Variants in ITPR1 observed in about 807,000 individuals in gnomAD.
The protein encoded by ITPR1 is inositol 1,4,5-trisphosphate receptor type 1.
ITPR1 carries 96 observed loss-of-function variants against 318.4 expected under a neutral mutation model. The ratio of observed to expected loss-of-function variants is 0.30; its 90% confidence interval spans 0.26 to 0.36. The LOEUF is 0.36. ITPR1 is among the 10% of genes least tolerant of loss of function. The probability of loss-of-function intolerance (pLI) is 1.00; values close to 1 mark genes in which losing one functional copy is unlikely to be tolerated. For synonymous variants in ITPR1, 1,312 were observed against 1,289.9 expected (o/e 1.02, Z -0.37); for missense variants, 2,440 against 3,460.2 (o/e 0.71, Z 7.40).
intron 44 of ITPR1, chr3:4,750,480 T>G (rs2044419341): frequency 6.6e-6 from 1 of 152,226 alleles, no homozygotes; most frequent in Non-Finnish European, 1.5e-5. Context: ...TAACTTCTAT[T>G]TATATCCTCC....
rs751340313 is a variant in ITPR1 at position 4,782,644 on chromosome 3, T to C, written c.6413T>C (p.Met2138Thr). ...GTGGAAGTGATCAAGAAAGCCTACATGCAAGGTGAAGTGGAATTTGAGGAT... is the reference window on the plus strand; with the variant it reads ...GTGGAAGTGATCAAGAAAGCCTACACGCAAGGTGAAGTGGAATTTGAGGAT... ...ELVEVIKKAY[M>T]QGEVEFEDGE... Residue 2138 changes from methionine to threonine, a missense_variant, in exon 50 of 62, where the codon ATG becomes ACG. By Grantham distance (81) the Met-to-Thr change is moderately conservative (BLOSUM62 -1). This residue lies in a region of ITPR1 where 49 missense variants were observed against 47.2 expected (regional missense o/e 1.04). Transcript: ENST00000649015. 2 of 1,607,222 alleles carry C rather than the reference T, an allele frequency of 1.2e-6. No individual in the cohort carries two copies. Among genetic ancestry groups the C allele is most frequent in the Admixed American group, 1.7e-5 (1 of 59,390 alleles).
chr3:4,662,154 G>A lies in ITPR1; in HGVS notation c.1324G>A (p.Asp442Asn). 2 of 1,613,694 alleles carry A rather than the reference G, an allele frequency of 1.2e-6. No individual in the cohort carries two copies. The highest frequency in any genetic ancestry group is 1.7e-6 in the Non-Finnish European group (2 of 1,179,694). Residue 442 changes from aspartate to asparagine, a missense_variant, in exon 15 of 62, where the codon GAC (aspartate) becomes AAC (asparagine). By Grantham distance (23) the Asp-to-Asn change is conservative. This residue lies in a region of ITPR1 where 478 missense variants were observed against 696.3 expected (regional missense o/e 0.69). Coordinates refer to ENST00000649015, the MANE Select transcript of ITPR1 (RefSeq NM_001378452.1). Reference sequence around the variant, plus strand: ...TCCGGTTTCTCCTGCTGAAGTTCGGGACCTGGACTTTGCCAATGATGCCAG... The same window carrying A: ...TCCGGTTTCTCCTGCTGAAGTTCGGAACCTGGACTTTGCCAATGATGCCAG... ...IVPVSPAEVRDLDFANDASKV... is the reference protein window; with the variant it reads ...IVPVSPAEVRNLDFANDASKV...
At chr3:4,605,909 TG>T (rs1184671696) in intron 4 of ITPR1, among the ~76,000 whole-genome samples, 3 of 151,840 alleles carry the variant, frequency 2.0e-5, no homozygotes, top group African/African-American at 7.2e-5. Context: ...CAACAGGGAG[TG>T]GGGCCGACAT....
chr3:4,569,106 G>A (rs1034864781), intron 4 of ITPR1, among the ~76,000 whole-genome samples: 1 of 152,158 alleles, frequency 6.6e-6, no homozygotes, highest in Non-Finnish European at 1.5e-5. Flanking sequence ...AGATTTGGGT[G>A]GAGACAAATA....
At chr3:4,592,895 T>C (rs1251958128) in intron 4 of ITPR1, among the ~76,000 whole-genome samples, 1 of 152,114 alleles carries the variant, frequency 6.6e-6, no homozygotes, top group African/African-American at 2.4e-5. Context: ...CTCTGAGTGG[T>C]GGGAGACTGG....
At chr3:4,576,207 GA>G (rs1468549320) in intron 4 of ITPR1, among the ~76,000 whole-genome samples, 2 of 152,212 alleles carry the variant, frequency 1.3e-5, no homozygotes, top group African/African-American at 4.8e-5. Flanking sequence ...TGAGCTCATA[GA>G]AGGAACTGAT....
chr3:4,621,618 C>T (rs185698403), intron 4 of ITPR1, among the ~76,000 whole-genome samples: 1 of 152,308 alleles, frequency 6.6e-6, no homozygotes, highest in East Asian at 1.9e-4. Context: ...GTGTGGTTTC[C>T]TACTGTGTTT....
intron 4 of ITPR1, among the ~76,000 whole-genome samples, chr3:4,612,311 C>G (rs1437364257): frequency 3.9e-5 from 6 of 151,908 alleles, no homozygotes; most frequent in African/African-American, 1.4e-4. Context: ...ATCCGCCTGC[C>G]TCGGCCTCCT....
chr3:4,847,380 A>G lies in ITPR1; in HGVS notation c.*1155A>G, dbSNP rs2051860851. The G allele has an allele frequency of 8.0e-6, 1 of 125,666 alleles. No homozygotes were observed. The highest frequency in any genetic ancestry group is 8.6e-5 in the Admixed American group (1 of 11,630). The allele number at this position is 125,666 out of a possible 1,614,324, so 7.8% of individuals were successfully genotyped here. ...GTTTTGTACATGGATCTCATTTTACAAGAGAATCTCTCTGCAAAAAAAAAA... is the reference window on the plus strand; with the variant it reads ...GTTTTGTACATGGATCTCATTTTACGAGAGAATCTCTCTGCAAAAAAAAAA... On this transcript the variant is annotated 3_prime_UTR_variant, in exon 62 of 62. Transcript: ENST00000649015.
At chr3:4,500,776 G>T (rs1000732542) in intron 2 of ITPR1, among the ~76,000 whole-genome samples, 3 of 152,150 alleles carry the variant, frequency 2.0e-5, no homozygotes, top group Admixed American at 2.0e-4. Flanking sequence ...TGTTACTCTT[G>T]TTCTGTATCC....
At chr3:4,550,598 AC>A (rs1451032848) in intron 4 of ITPR1, among the ~76,000 whole-genome samples, 2 of 152,222 alleles carry the variant, frequency 1.3e-5, no homozygotes, top group African/African-American at 4.8e-5. Flanking sequence ...CAAATGGCAG[AC>A]TTTTCCAGCA....
intron 24 of ITPR1, among the ~76,000 whole-genome samples, chr3:4,677,457 A>T (rs1160729613): frequency 1.3e-5 from 2 of 152,200 alleles, no homozygotes; most frequent in African/African-American, 4.8e-5. Context: ...GTACAGTGAC[A>T]TGATTACACA....
chr3:4,621,006 G>C (rs1036799973), intron 4 of ITPR1, among the ~76,000 whole-genome samples: 16 of 150,908 alleles, frequency 1.1e-4, no homozygotes, highest in African/African-American at 3.7e-4. Flanking sequence ...TCACTACTCA[G>C]CATTTCAGCT....
intron 12 of ITPR1, among the ~76,000 whole-genome samples, chr3:4,655,069 T>C (rs370224019): frequency 7.0e-4 from 107 of 152,338 alleles, no homozygotes; most frequent in African/African-American, 2.4e-3. Flanking sequence ...TGTCAGTGCA[T>C]GAGGAACTCT....
intron 2 of ITPR1, among the ~76,000 whole-genome samples, chr3:4,507,342 G>A (rs1479871253): frequency 6.6e-6 from 1 of 152,158 alleles, no homozygotes; most frequent in Admixed American, 6.5e-5. Context: ...AGCTCCTAGA[G>A]TACATAGGTA....
chr3:4,504,335 T>TTA (rs2081252623), intron 2 of ITPR1, among the ~76,000 whole-genome samples: 1 of 152,284 alleles, frequency 6.6e-6, no homozygotes, highest in Admixed American at 6.5e-5. Context: ...CAACGTTGTA[T>TTA]TATACTAGAG....
intron 44 of ITPR1, among the ~76,000 whole-genome samples, chr3:4,762,534 C>T (rs1230495271): frequency 6.6e-6 from 1 of 152,220 alleles, no homozygotes; most frequent in Non-Finnish European, 1.5e-5. Flanking sequence ...ATCACCTTCA[C>T]CTTGGAGTTT....
rs2093757681 is a variant in ITPR1, at chr3:4,658,267, C to T, written c.1140C>T (p.Ser380=). ...LDPTTLRGGD[S]LVPRNSYVRL... ...CCACCACTCTGCGTGGAGGTGACAG[C>T]CTTGTCCCAAGGTATCATTTTAAAA... The change falls in exon 13 of 62, where the codon AGC becomes AGT. Residue 380 remains serine, a synonymous_variant. Coordinates refer to ENST00000649015, the MANE Select transcript of ITPR1 (RefSeq NM_001378452.1). 1 of 1,610,856 alleles carries T rather than the reference C, an allele frequency of 6.2e-7. No homozygotes were observed. Among genetic ancestry groups the T allele is most frequent in the Admixed American group, 1.7e-5 (1 of 59,868 alleles).
intron 42 of ITPR1, 91 bp from the exon 43 acceptor site, chr3:4,732,997 T>G (rs758420114): frequency 7.4e-6 from 10 of 1,342,510 alleles, no homozygotes; most frequent in Non-Finnish European, 1.0e-5. Flanking sequence ...CTGGGCCAAT[T>G]ATAACTGAGT....
Sources: gnomAD v4.1 joint callset for allele counts (sites outside exome capture counted in the v4.1 genomes callset) on GRCh38, gnomAD v4.1.1 for gene constraint, gnomAD v4.1.1 regional missense constraint, MANE v1.5 for transcripts, NCBI Gene and HGNC (gene_info 2026-07-23, HGNC 2026-07-21) for gene names.